The following RNF38 variants were observed in gnomAD, a reference collection of about 807,000 sequenced individuals.
RNF38 encodes E3 ubiquitin-protein ligase RNF38.
RNF38 carries 15 observed loss-of-function variants against 67.2 expected under a neutral mutation model. The observed-to-expected ratio is 0.22, with a 90% confidence interval of 0.15 to 0.34. The LOEUF (loss-of-function observed/expected upper bound fraction) is 0.34. Among genes scored for constraint, RNF38 ranks in the 10% least tolerant of loss-of-function variants. The pLI is 1.00. For missense variants in RNF38, 524 were observed against 639.9 expected (o/e 0.82, Z 1.95); for synonymous variants, 220 against 218.8 (o/e 1.01, Z -0.05).
At chr9:36,449,006 A>AAAGG (rs1839375174) in intron 1 of RNF38, among the ~76,000 whole-genome samples, 2 of 151,724 alleles carry the variant, frequency 1.3e-5, no homozygotes, top group South Asian at 4.2e-4. Context: ...AAAAATTAAA[A>AAAGG]AAGAAAGAAA....
At chr9:36,471,227 G>A (rs1839991700) in intron 1 of RNF38, among the ~76,000 whole-genome samples, 1 of 152,122 alleles carries the variant, frequency 6.6e-6, no homozygotes, top group South Asian at 2.1e-4. Flanking sequence ...AATTTGACTT[G>A]CCTCTCTCTT....
At chr9:36,346,954 C>G (rs1198011317) in intron 9 of RNF38, among the ~76,000 whole-genome samples, 1 of 151,924 alleles carries the variant, frequency 6.6e-6, no homozygotes, top group African/African-American at 2.4e-5. Flanking sequence ...CCCGTCTCTA[C>G]TAAAATTACA....
At chr9:36,478,509 G>A (rs1840177287) in intron 1 of RNF38, among the ~76,000 whole-genome samples, 1 of 139,584 alleles carries the variant, frequency 7.2e-6, no homozygotes, top group South Asian at 2.2e-4. Context: ...AAAAATGTAA[G>A]TATTTAAAAA....
At chr9:36,368,679 A>G (rs754929484) in intron 4 of RNF38, among the ~76,000 whole-genome samples, 17 of 152,182 alleles carry the variant, frequency 1.1e-4, no homozygotes, top group Non-Finnish European at 2.4e-4. Flanking sequence ...CATAATAAAA[A>G]TGTCTGGCAT....
intron 1 of RNF38, among the ~76,000 whole-genome samples, chr9:36,462,538 AAC>A (rs1447617668): frequency 1.3e-5 from 2 of 152,286 alleles, no homozygotes; most frequent in East Asian, 3.9e-4. Context: ...CTTACCTCTG[AAC>A]ACTCCTGTTC....
intron 1 of RNF38, among the ~76,000 whole-genome samples, chr9:36,449,825 A>C (rs907181288): frequency 1.3e-5 from 2 of 152,168 alleles, no homozygotes; most frequent in Non-Finnish European, 2.9e-5. Flanking sequence ...TGGATGGAAG[A>C]AGCTTTGTGG....
intron 1 of RNF38, among the ~76,000 whole-genome samples, chr9:36,433,328 C>G (rs796817267): frequency 6.6e-5 from 10 of 151,902 alleles, no homozygotes; most frequent in African/African-American, 1.4e-4. Flanking sequence ...GGATACCCCC[C>G]CCTTACCCTA....
intron 1 of RNF38, among the ~76,000 whole-genome samples, chr9:36,484,887 C>A (rs1840367514): frequency 6.6e-6 from 1 of 152,186 alleles, no homozygotes; most frequent in Non-Finnish European, 1.5e-5. Context: ...TATGTATTGG[C>A]CGGGCGCGGT....
At chr9:36,361,345 A>G (rs1834519988) in intron 4 of RNF38, among the ~76,000 whole-genome samples, 1 of 148,718 alleles carries the variant, frequency 6.7e-6, no homozygotes, top group Non-Finnish European at 1.5e-5. Context: ...TGTATTTTTT[A>G]GTAGAGACAG....
chr9:36,373,695 G>A (rs986673258), intron 3 of RNF38, among the ~76,000 whole-genome samples: 22 of 151,136 alleles, frequency 1.5e-4, no homozygotes, highest in Admixed American at 1.4e-3. Context: ...GGCTGGTCTC[G>A]AACTCTTGAC....
chr9:36,382,051 A>G (rs918841751), intron 2 of RNF38, among the ~76,000 whole-genome samples: 1 of 152,240 alleles, frequency 6.6e-6, no homozygotes, highest in South Asian at 2.1e-4. Flanking sequence ...CATCTCTACT[A>G]TTATCCCAGG....
rs531359675 is a variant in RNF38, at chr9:36,451,181, T to C, written n.242-26498A>G. Reference sequence around the variant, plus strand: ...CTTCAACAAATAAACTGCAGTATTTTGGCCGGGCGCAGTGGCTCATGTCTG... The same window carrying C: ...CTTCAACAAATAAACTGCAGTATTTCGGCCGGGCGCAGTGGCTCATGTCTG... On this transcript the variant is annotated intron_variant and non_coding_transcript_variant, in intron 1 of 3. Transcript: ENST00000488058. 1.2e-4 allele frequency among the ~76,000 whole-genome samples: 18 copies of C among 151,380 alleles called. No homozygotes were observed. In the South Asian group the frequency reaches 1.9e-3, roughly 16 times the overall value.
At position 36,375,927 on chromosome 9, in the gene RNF38, A is replaced by T. The variant is rs1835753634; in HGVS notation, c.356+7T>A. 4 of 1,595,768 alleles carry T rather than the reference A, an allele frequency of 2.5e-6. No homozygotes were observed. The highest frequency in any genetic ancestry group is 3.4e-6 in the Non-Finnish European group (4 of 1,173,946). On this transcript the variant is annotated splice_region_variant and intron_variant, in intron 3 of 11. Coordinates refer to ENST00000259605, the MANE Select transcript of RNF38 (RefSeq NM_022781.5). ...AAAACTTAAGAAATAAATTGTAATC[A>T]ACTAACCTTCTTCTGTTGCGTGCAG...
At position 36,417,826 on chromosome 9, in the gene RNF38, T is replaced by G. The variant is rs143764392; in HGVS notation, n.312+6787A>C. On this transcript the variant is annotated intron_variant and non_coding_transcript_variant, in intron 2 of 3. Transcript: ENST00000488058. ...AAACCCAGCCACTTCCACCACTTTT[T>G]AAATGAAACACTGCTTAACTTTTAC... is the stretch of plus-strand genomic sequence containing the variant. Among the ~76,000 whole-genome samples, 8 of 152,260 alleles carry G rather than the reference T, an allele frequency of 5.3e-5. No homozygotes were observed. The East Asian group carries it at 1.6e-3, about 30-fold the overall frequency.
At chr9:36,349,902 G>A (rs1237828829) in intron 9 of RNF38, among the ~76,000 whole-genome samples, 1 of 152,088 alleles carries the variant, frequency 6.6e-6, no homozygotes, top group Non-Finnish European at 1.5e-5. Context: ...TCAGCCCGGA[G>A]TACAATGGTG....
intron 9 of RNF38, among the ~76,000 whole-genome samples, chr9:36,348,958 GCTGA>G (rs144565134): frequency 0.064 from 9,797 of 152,260 alleles, 392 homozygotes; most frequent in Middle Eastern, 0.11. Flanking sequence ...CAAAGAACAG[GCTGA>G]CTCTTTTTGG....
At chr9:36,411,969 C>A (rs573036372) in intron 2 of RNF38, among the ~76,000 whole-genome samples, 1 of 152,152 alleles carries the variant, frequency 6.6e-6, no homozygotes, top group Non-Finnish European at 1.5e-5. Context: ...AAGCCAGTTA[C>A]AAAAAGAAAA....
intron 2 of RNF38, among the ~76,000 whole-genome samples, chr9:36,415,239 T>C (rs1053485495): frequency 6.6e-6 from 1 of 152,208 alleles, no homozygotes; most frequent in Non-Finnish European, 1.5e-5. Flanking sequence ...TATTCAGTTT[T>C]TTTCTTTTTT....
At chr9:36,468,411 A>C (rs766438397) in intron 1 of RNF38, among the ~76,000 whole-genome samples, 2 of 152,230 alleles carry the variant, frequency 1.3e-5, no homozygotes, top group Non-Finnish European at 2.9e-5. Flanking sequence ...CAGAGGGCCT[A>C]AGAGTTCTTT....
Sources: gnomAD v4.1 joint callset for allele counts (sites outside exome capture counted in the v4.1 genomes callset) on GRCh38, gnomAD v4.1.1 for gene constraint, MANE v1.5 for transcripts, NCBI Gene and HGNC (gene_info 2026-07-23, HGNC 2026-07-21) for gene names.